UGT2A1: variants seen among roughly 807,000 people sequenced by gnomAD.
The protein encoded by UGT2A1 is UDP glucuronosyltransferase family 2 member A1 complex locus.
Under a neutral mutation model 45.4 loss-of-function variants are expected in UGT2A1, and 61 were observed. The ratio of observed to expected loss-of-function variants is 1.34; its 90% CI spans 1.09 to 1.66. The LOEUF (loss-of-function observed/expected upper bound fraction) is 1.66. Among genes scored for constraint, UGT2A1 ranks in the 40% most tolerant of loss-of-function variants. UGT2A1 has a pLI of 0.00. For missense variants in UGT2A1, 649 were observed against 574.3 expected, an observed-to-expected ratio of 1.13 and a Z score of -1.33; for synonymous variants, 229 against 196.2, an observed-to-expected ratio of 1.17 and a Z score of -1.40.
At chr4:69,640,238 TTC>T in intron 2 of UGT2A1, among the ~76,000 whole-genome samples, 1 of 151,938 alleles carries the variant, frequency 6.6e-6, no homozygotes, top group Admixed American at 6.6e-5. Flanking sequence ...TTTATAAGAT[TTC>T]TGACACCGGG....
chr4:69,634,501 T>G (rs964904234), intron 3 of UGT2A1, among the ~76,000 whole-genome samples: 1 of 152,068 alleles, frequency 6.6e-6, no homozygotes, highest in African/African-American at 2.4e-5. Flanking sequence ...AATACATTAT[T>G]GTGATTAATC....
At chr4:69,640,981 A>C (rs554846596) in intron 2 of UGT2A1, among the ~76,000 whole-genome samples, 1 of 151,974 alleles carries the variant, frequency 6.6e-6, no homozygotes. Context: ...TAAAGAAAGC[A>C]AAACATTATA....
chr4:69,640,826 G>C (rs1722012381), intron 2 of UGT2A1, among the ~76,000 whole-genome samples: 1 of 151,738 alleles, frequency 6.6e-6, no homozygotes, highest in Non-Finnish European at 1.5e-5. Flanking sequence ...TATAGTGGCA[G>C]TACCTTAAAA....
chr4:69,608,989 A>T lies in UGT2A1; in HGVS notation c.848-9595T>A, dbSNP rs114130039. On this transcript the variant is annotated intron_variant, in intron 3 of 6. Coordinates refer to ENST00000286604, the MANE Select transcript of UGT2A1 (RefSeq NM_001252275.3). The stretch of plus-strand genomic sequence containing the variant: ...ATAGTAGAAAAGGATTTCCTCAGGA[A>T]CATAAAGAAAAATTATAAAGAGTAT... Among the ~76,000 whole-genome samples, 448 of 152,280 alleles carry T rather than the reference A, an allele frequency of 2.9e-3. 4 individuals carry two copies. Among genetic ancestry groups the T allele is most frequent in the African/African-American group, 0.01 (427 of 41,580 alleles).
chr4:69,651,377 A>G (rs1314313462), intron 1 of UGT2A1, among the ~76,000 whole-genome samples: 1 of 152,188 alleles, frequency 6.6e-6, no homozygotes, highest in East Asian at 1.9e-4. Context: ...TCATAAATAT[A>G]TACCTATATA....
intron 3 of UGT2A1, among the ~76,000 whole-genome samples, chr4:69,616,272 A>G (rs1720376716): frequency 6.6e-6 from 1 of 151,954 alleles, no homozygotes; most frequent in South Asian, 2.1e-4. Context: ...GGCATGATTA[A>G]TAGCTACAAA....
rs368279998 is a variant in UGT2A1 at position 69,589,453 on chromosome 4, C to T, written c.1503G>A (p.Thr501=). ...VIGFLLVCVT[T]AIFLVIQCCL... ...AACATTGTATGACCAAAAATATAGC[C>T]GTTGTCACACAGACCAGCAAGAACC... The change falls in exon 7 of 7, where the codon ACG becomes ACA. Residue 501 remains threonine (T), a synonymous_variant. Transcript: ENST00000286604. The T allele has an allele frequency of 2.9e-5, 47 of 1,613,882 alleles. No individual in the cohort carries two copies. Among genetic ancestry groups the T allele is most frequent in the Non-Finnish European group, 3.7e-5 (44 of 1,180,010 alleles).
At chr4:69,590,422 T>C (rs1480468271) in intron 6 of UGT2A1, among the ~76,000 whole-genome samples, 1 of 152,224 alleles carries the variant, frequency 6.6e-6, no homozygotes, top group African/African-American at 2.4e-5. Flanking sequence ...GTTTCCCTAG[T>C]TGTTAAACCA....
chr4:69,593,691 T>C (rs917884357), intron 6 of UGT2A1, among the ~76,000 whole-genome samples: 4 of 151,770 alleles, frequency 2.6e-5, no homozygotes, highest in Middle Eastern at 3.3e-3. Flanking sequence ...CAAATCAATA[T>C]TTAAAAAATT....
At chr4:69,622,656 G>A (rs1560484178) in intron 3 of UGT2A1, among the ~76,000 whole-genome samples, 1 of 151,688 alleles carries the variant, frequency 6.6e-6, no homozygotes, top group Non-Finnish European at 1.5e-5. Flanking sequence ...GCTCAAAGGT[G>A]AGGGGGGCAT....
chr4:69,615,478 A>G (rs1720324359), intron 3 of UGT2A1, among the ~76,000 whole-genome samples: 4 of 152,044 alleles, frequency 2.6e-5, no homozygotes, highest in Admixed American at 2.0e-4. Context: ...TACCCATCTG[A>G]CAAGGGATTG....
chr4:69,651,018 A>G (rs141408071), intron 1 of UGT2A1, among the ~76,000 whole-genome samples: 55 of 152,332 alleles, frequency 3.6e-4, no homozygotes, highest in African/African-American at 1.3e-3. Flanking sequence ...TTCTATTTTA[A>G]TTTTTGTGGA....
At chr4:69,624,865 C>A (rs1720952132) in intron 3 of UGT2A1, among the ~76,000 whole-genome samples, 2 of 150,982 alleles carry the variant, frequency 1.3e-5, no homozygotes, top group South Asian at 4.2e-4. Flanking sequence ...CTTTTTTATT[C>A]ATTGACTTAT....
intron 4 of UGT2A1, chr4:69,596,220 C>T: frequency 1.4e-6 from 2 of 1,471,274 alleles, no homozygotes; most frequent in Non-Finnish European, 1.8e-6. Context: ...TAGTAAAAAG[C>T]TGTGTACCAG....
rs1719401771 is a variant in UGT2A1, at chr4:69,603,237, G to A, written c.848-3843C>T. Among the ~76,000 whole-genome samples, 4 of 135,794 alleles carry A rather than the reference G, an allele frequency of 2.9e-5. 1 individual carries two copies. The highest frequency in any genetic ancestry group is 6.2e-5 in the Non-Finnish European group (4 of 64,044). 89.1% of individuals were successfully genotyped at this position (135,794 alleles called of 152,430 possible). A position where few individuals can be genotyped will look rare whatever the true frequency, so the allele number is the denominator to read the frequency against. On this transcript the variant is annotated intron_variant, in intron 3 of 6. Coordinates refer to ENST00000286604, the MANE Select transcript of UGT2A1 (RefSeq NM_001252275.3). ...GAACTCCAGATGAAGAGATACAAGA[G>A]GAAGGAATATTATTTTACCAGATAT...
intron 3 of UGT2A1, among the ~76,000 whole-genome samples, chr4:69,607,224 A>T (rs559763834): frequency 0.021 from 2,616 of 127,608 alleles, 46 homozygotes; most frequent in Non-Finnish European, 0.032. Context: ...AACAGAGATA[A>T]AGACCAATGG....
At position 69,589,602 on chromosome 4, in the gene UGT2A1, C is replaced by G; in HGVS notation, c.1354G>C (p.Val452Leu). The G allele has an allele frequency of 6.2e-7, 1 of 1,613,970 alleles. No homozygotes were observed. The highest frequency in any genetic ancestry group is 8.5e-7 in the Non-Finnish European group (1 of 1,179,870). Reference protein sequence around the residue: ...RLSRIHHDQPVKPLDRAVFWI... With the variant: ...RLSRIHHDQPLKPLDRAVFWI... The stretch of plus-strand genomic sequence containing the variant: ...AAGACTGCTCGATCCAGGGGCTTTA[C>G]AGGTTGATCATGGTGAATTCTTGAT... The change falls in exon 7 of 7, where the codon GTA becomes CTA. Residue 452 changes from valine to leucine, a missense_variant. Val to Leu is a conservative substitution (Grantham distance 32). Coordinates refer to ENST00000286604, the MANE Select transcript of UGT2A1 (RefSeq NM_001252275.3).
At chr4:69,591,930 C>G (rs1269288146) in intron 6 of UGT2A1, among the ~76,000 whole-genome samples, 2 of 152,112 alleles carry the variant, frequency 1.3e-5, no homozygotes, top group African/African-American at 4.8e-5. Context: ...CCACTTAGCT[C>G]ATGAATTATG....
In UGT2A1 at chr4:69,589,652, C is replaced by T; in HGVS notation, c.1305-1G>A. ...TAACCTCATAGCATTCTCTTTATAACTAGAAGACAAATAAATAGGCAGAAA... is the reference window on the plus strand; with the variant it reads ...TAACCTCATAGCATTCTCTTTATAATTAGAAGACAAATAAATAGGCAGAAA... On this transcript the variant is annotated splice_acceptor_variant, in intron 6 of 6. Coordinates refer to ENST00000286604, the MANE Select transcript of UGT2A1 (RefSeq NM_001252275.3). LOFTEE classifies it high-confidence loss of function. 7 of 1,592,178 alleles carry T rather than the reference C, an allele frequency of 4.4e-6. No individual in the cohort carries two copies. Among genetic ancestry groups the T allele is most frequent in the Non-Finnish European group, 6.0e-6 (7 of 1,168,232 alleles).
Sources: allele counts gnomAD v4.1 joint callset (sites outside exome capture counted in the v4.1 genomes callset), GRCh38; gene constraint gnomAD v4.1.1; transcripts MANE v1.5; gene names NCBI Gene and HGNC (gene_info 2026-07-23, HGNC 2026-07-21).